The following TF variants were observed in gnomAD, a reference collection of about 807,000 sequenced individuals.
The protein encoded by TF is serotransferrin.
TF carries 55 observed loss-of-function variants against 82.4 expected under a neutral mutation model. The ratio of observed to expected loss-of-function variants is 0.67; its 90% CI spans 0.54 to 0.84. The LOEUF is 0.84. Ranked by LOEUF, TF falls within the 40% of genes least tolerant of loss-of-function variation. TF has a pLI of 0.00. For synonymous variants in TF, 332 were observed against 332.6 expected, an observed-to-expected ratio of 1.00 and a Z score of 0.02; for missense variants, 737 against 868.4, an observed-to-expected ratio of 0.85 and a Z score of 1.90.
chr3:133,774,164 T>C (rs1425280506), intron 14 of TF: 2 of 152,180 alleles, frequency 1.3e-5, no homozygotes, highest in Non-Finnish European at 2.9e-5. Context: ...CCAATAAGAT[T>C]GTGCCTTGGA....
intron 8 of TF, 33 bp downstream of exon 8, chr3:133,757,979 G>A (rs1299607668): frequency 6.2e-7 from 1 of 1,611,244 alleles, no homozygotes; most frequent in Non-Finnish European, 8.5e-7. Flanking sequence ...GTGACCACAA[G>A]CACTTGGGAA....
At chr3:133,673,128 C>G in the TF span, among the ~76,000 whole-genome samples, 2 of 152,186 alleles carry the variant, frequency 1.3e-5, no homozygotes, top group African/African-American at 4.8e-5. Flanking sequence ...ACATCTACTT[C>G]ATGATGTATG....
intron 2 of TF, among the ~76,000 whole-genome samples, chr3:133,750,279 T>C (rs781603525): frequency 1.3e-5 from 2 of 152,170 alleles, no homozygotes; most frequent in Non-Finnish European, 2.9e-5. Context: ...AGATTTGTTC[T>C]GCTAGGAGCC....
the TF span, among the ~76,000 whole-genome samples, chr3:133,663,342 A>G: frequency 2.1e-5 from 3 of 140,790 alleles, no homozygotes; most frequent in African/African-American, 7.9e-5. Flanking sequence ...GCTTTAATAA[A>G]TATCATTAAT....
the TF span, among the ~76,000 whole-genome samples, chr3:133,676,094 C>T: frequency 6.6e-6 from 1 of 152,128 alleles, no homozygotes; most frequent in Non-Finnish European, 1.5e-5. Context: ...TCGCCTCAAA[C>T]TGGACAGTGC....
the TF span, chr3:133,664,834 C>A: frequency 6.6e-6 from 1 of 151,870 alleles, no homozygotes; most frequent in African/African-American, 2.4e-5. Flanking sequence ...CCCACAGATA[C>A]AAGGAACTAA....
rs1298700838 is a variant in TF at position 133,785,008 on chromosome 3, C to G, written c.*6388C>G. The G allele has an allele frequency of 1.3e-5, 1 of 78,680 alleles. No individual in the cohort carries two copies. The highest frequency in any genetic ancestry group is 3.2e-5 in the Non-Finnish European group (1 of 31,324). 4.9% of individuals were successfully genotyped at this position (78,680 alleles called of 1,614,324 possible). A position where few individuals can be genotyped will look rare whatever the true frequency, so the allele number is the denominator to read the frequency against. ...CCGGGAGGGAGGTGGGGGGGTCAGC[C>G]CCCCGCCCGGCCAGCCGCCCCGTCT... On this transcript the variant is annotated 3_prime_UTR_variant, in exon 17 of 17. Coordinates refer to ENST00000402696, the MANE Select transcript of TF (RefSeq NM_001063.4).
At chr3:133,766,928 T>A (rs1020818589) in intron 12 of TF, among the ~76,000 whole-genome samples, 1 of 152,192 alleles carries the variant, frequency 6.6e-6, no homozygotes, top group Non-Finnish European at 1.5e-5. Context: ...TCAGCAAACT[T>A]CTCATTGCCC....
intron 8 of TF, 90 bp downstream of exon 8, chr3:133,758,036 C>T: frequency 1.6e-6 from 2 of 1,251,376 alleles, no homozygotes; most frequent in Non-Finnish European, 2.3e-6. Context: ...CAGGGACCTG[C>T]ACGCCTCTCC....
At chr3:133,667,325 C>G in the TF span, among the ~76,000 whole-genome samples, 1 of 141,374 alleles carries the variant, frequency 7.1e-6, no homozygotes, top group Non-Finnish European at 1.5e-5. Flanking sequence ...CTATTGCACT[C>G]TAGCCTGAGT....
chr3:133,754,153 T>G (rs1487297538), intron 3 of TF: 2 of 420,316 alleles, frequency 4.8e-6, no homozygotes, highest in Non-Finnish European at 8.9e-6. Flanking sequence ...TGAAATACTT[T>G]GATGGGCCTC....
the TF span, among the ~76,000 whole-genome samples, chr3:133,693,942 A>G: frequency 6.6e-6 from 1 of 152,160 alleles, no homozygotes; most frequent in Non-Finnish European, 1.5e-5. Flanking sequence ...GCAGCGGACA[A>G]GCTGGGGAAC....
Position 133,783,384 on chromosome 3 carries a change from G to A in TF, c.*4764G>A, listed in dbSNP as rs1383196595. On this transcript the variant is annotated 3_prime_UTR_variant, in exon 17 of 17. Transcript: ENST00000402696. The stretch of plus-strand genomic sequence containing the variant: ...ACTCACTGAAGTGTTTAGAAGCAGA[G>A]TAGCTGAAAATTTTGGCGCAGAAGA... 1.3e-5 allele frequency: 2 copies of A among 152,194 alleles called. No homozygotes were observed. Among genetic ancestry groups the A allele is most frequent in the Non-Finnish European group, 2.9e-5 (2 of 68,034 alleles). The allele number at this position is 152,194 out of a possible 1,614,324, so 9.4% of individuals were successfully genotyped here. A position where few individuals can be genotyped will look rare whatever the true frequency, so the allele number is the denominator to read the frequency against.
the TF span, among the ~76,000 whole-genome samples, chr3:133,733,146 T>G: frequency 6.6e-6 from 1 of 152,248 alleles, no homozygotes; most frequent in Non-Finnish European, 1.5e-5. Flanking sequence ...TCAGAATTTA[T>G]TCTTTTGTTT....
chr3:133,792,857 G>T lies in TF; in HGVS notation c.*14237G>T, dbSNP rs1294066018. On this transcript the variant is annotated 3_prime_UTR_variant, in exon 17 of 17. Transcript: ENST00000402696. ...TGAACATATTGACTAAATTTAAAGG[G>T]GTATTTTCTGGTTTTTCCATAAATT... is the stretch of plus-strand genomic sequence containing the variant. The T allele has an allele frequency of 6.6e-6, 1 of 151,882 alleles. No individual in the cohort carries two copies. The highest frequency in any genetic ancestry group is 2.4e-5 in the African/African-American group (1 of 41,346). The allele number at this position is 151,882 out of a possible 1,614,324, so 9.4% of individuals were successfully genotyped here. A position where few individuals can be genotyped will look rare whatever the true frequency, so the allele number is the denominator to read the frequency against.
At chr3:133,729,611 C>T in the TF span, among the ~76,000 whole-genome samples, 31 of 152,220 alleles carry the variant, frequency 2.0e-4, no homozygotes, top group African/African-American at 7.0e-4. Flanking sequence ...TTGCACTTCC[C>T]GAGTGAGGCA....
chr3:133,749,708 G>A (rs1933607692), intron 2 of TF, among the ~76,000 whole-genome samples: 1 of 152,200 alleles, frequency 6.6e-6, no homozygotes, highest in South Asian at 2.1e-4. Flanking sequence ...TATTTAAGTT[G>A]CTAGTGGGAG....
At chr3:133,669,922 G>A in the TF span, among the ~76,000 whole-genome samples, 2 of 152,204 alleles carry the variant, frequency 1.3e-5, no homozygotes, top group Admixed American at 6.5e-5. Flanking sequence ...TGCCCTCATA[G>A]ACCCTATTTC....
At chr3:133,720,718 T>G in the TF span, among the ~76,000 whole-genome samples, 1 of 152,112 alleles carries the variant, frequency 6.6e-6, no homozygotes, top group Non-Finnish European at 1.5e-5. Context: ...GTGAAGCCAT[T>G]GGGTCCTGGG....
Sources: gnomAD v4.1 joint callset for allele counts (sites outside exome capture counted in the v4.1 genomes callset) on GRCh38, gnomAD v4.1.1 for gene constraint, MANE v1.5 for transcripts, NCBI Gene and HGNC (gene_info 2026-07-23, HGNC 2026-07-21) for gene names.